PRR16: variants seen among roughly 807,000 people sequenced by gnomAD.
PRR16 encodes proline rich 16.
Under a neutral mutation model 18.2 loss-of-function variants are expected in PRR16, and 6 were observed. The observed-to-expected ratio is 0.33, with a 90% confidence interval of 0.18 to 0.65. The LOEUF (loss-of-function observed/expected upper bound fraction) is 0.65. PRR16 is among the 30% of genes least tolerant of loss of function. The pLI is 0.74. For synonymous variants in PRR16, 151 were observed against 147.8 expected (o/e 1.02, Z -0.16); for missense variants, 412 against 376.6 (o/e 1.09, Z -0.78).
intron 1 of PRR16, among the ~76,000 whole-genome samples, chr5:120,682,883 A>G (rs1329921092): frequency 1.3e-5 from 2 of 152,190 alleles, no homozygotes; most frequent in Non-Finnish European, 2.9e-5. Flanking sequence ...TAACCCTCGG[A>G]GCATTTACTT....
At chr5:120,579,071 A>G (rs1007310418) in intron 1 of PRR16, among the ~76,000 whole-genome samples, 1 of 151,918 alleles carries the variant, frequency 6.6e-6, no homozygotes, top group Admixed American at 6.6e-5. Flanking sequence ...ATCTTTTCAT[A>G]TCCTTTGCCC....
At chr5:120,617,262 C>A in intron 1 of PRR16, 2 of 682,404 alleles carry the variant, frequency 2.9e-6, no homozygotes, top group Non-Finnish European at 3.6e-6. Context: ...AAGAAACATG[C>A]AAACCAATAT....
intron 1 of PRR16, among the ~76,000 whole-genome samples, chr5:120,680,100 G>A (rs2041805733): frequency 2.6e-5 from 4 of 152,046 alleles, no homozygotes; most frequent in Admixed American, 2.6e-4. Flanking sequence ...AACCTCATGT[G>A]TACCTTAAAT....
intron 1 of PRR16, among the ~76,000 whole-genome samples, chr5:120,513,704 T>C (rs566238265): frequency 3.3e-4 from 51 of 152,298 alleles, no homozygotes; most frequent in Middle Eastern, 3.4e-3. Context: ...TATAGTTTTA[T>C]TTAATGTCTC....
At chr5:120,514,244 C>T (rs747905141) in intron 1 of PRR16, among the ~76,000 whole-genome samples, 4 of 152,172 alleles carry the variant, frequency 2.6e-5, no homozygotes, top group African/African-American at 4.8e-5. Context: ...AAACCTTGCT[C>T]TCAAGGTGGT....
intron 1 of PRR16, among the ~76,000 whole-genome samples, chr5:120,654,034 A>G (rs1210621012): frequency 6.6e-6 from 1 of 152,030 alleles, no homozygotes; most frequent in Non-Finnish European, 1.5e-5. Context: ...AAAAACCTAC[A>G]TTTCTCAAAC....
chr5:120,536,880 G>A (rs116822522), intron 1 of PRR16, among the ~76,000 whole-genome samples: 9 of 152,288 alleles, frequency 5.9e-5, no homozygotes, highest in East Asian at 3.9e-4. Flanking sequence ...GAACAAGATC[G>A]TGTCTTTTGT....
chr5:120,652,365 A>G (rs1381853404), intron 1 of PRR16, among the ~76,000 whole-genome samples: 1 of 152,068 alleles, frequency 6.6e-6, no homozygotes, highest in Non-Finnish European at 1.5e-5. Context: ...TGTTACTTTT[A>G]GTATGTATTA....
the PRR16 span, among the ~76,000 whole-genome samples, chr5:120,768,888 T>A: frequency 6.6e-6 from 1 of 151,826 alleles, no homozygotes; most frequent in Non-Finnish European, 1.5e-5. Flanking sequence ...GCTGTGAAGC[T>A]AATTAAAAAA....
intron 1 of PRR16, among the ~76,000 whole-genome samples, chr5:120,668,822 CA>C (rs1361477808): frequency 1.3e-5 from 2 of 152,294 alleles, no homozygotes; most frequent in East Asian, 3.9e-4. Flanking sequence ...GCCGAGAGAT[CA>C]GCTGTTAGTC....
intron 1 of PRR16, among the ~76,000 whole-genome samples, chr5:120,568,888 A>G (rs1752817603): frequency 6.6e-6 from 1 of 152,096 alleles, no homozygotes; most frequent in Non-Finnish European, 1.5e-5. Context: ...TATTTTTGGA[A>G]TGCTGTCATC....
the PRR16 span, among the ~76,000 whole-genome samples, chr5:120,713,004 T>G: frequency 3.9e-5 from 6 of 152,288 alleles, no homozygotes; most frequent in East Asian, 1.2e-3. Flanking sequence ...CTTGAAGAGA[T>G]ATCTGCACTC....
chr5:120,487,429 C>T (rs1202620588), intron 1 of PRR16, among the ~76,000 whole-genome samples: 1 of 152,142 alleles, frequency 6.6e-6, no homozygotes, highest in Admixed American at 6.5e-5. Context: ...GGCGTTCACT[C>T]ATGGTTTGGC....
At chr5:120,775,060 T>C in the PRR16 span, among the ~76,000 whole-genome samples, 139 of 152,312 alleles carry the variant, frequency 9.1e-4, 3 homozygotes, top group South Asian at 0.026. Context: ...TGACACTTAC[T>C]AAAATAAAGT....
the PRR16 span, among the ~76,000 whole-genome samples, chr5:120,719,021 TC>T: frequency 6.6e-6 from 1 of 152,036 alleles, no homozygotes; most frequent in African/African-American, 2.4e-5. Context: ...AGATATTATT[TC>T]TACCTGATTA....
chr5:120,783,428 A>G, the PRR16 span, among the ~76,000 whole-genome samples: 73 of 152,168 alleles, frequency 4.8e-4, no homozygotes, highest in African/African-American at 1.7e-3. Flanking sequence ...ATGGGCAGAA[A>G]GTAGAACGTA....
intron 1 of PRR16, among the ~76,000 whole-genome samples, chr5:120,504,029 T>G (rs1464278990): frequency 6.6e-6 from 1 of 151,756 alleles, no homozygotes; most frequent in African/African-American, 2.4e-5. Context: ...TTTCTTTTCT[T>G]TTCTTTTATT....
chr5:120,541,085 C>T (rs775573178), intron 1 of PRR16, among the ~76,000 whole-genome samples: 3 of 152,102 alleles, frequency 2.0e-5, no homozygotes, highest in Non-Finnish European at 2.9e-5. Flanking sequence ...TGAGGCAGGA[C>T]AGAGGTAATA....
At chr5:120,790,681 C>T in the PRR16 span, 2 of 152,126 alleles carry the variant, frequency 1.3e-5, no homozygotes, top group African/African-American at 4.8e-5. Flanking sequence ...GATTACTTCT[C>T]AGTGAACTTC....
Sources: allele counts gnomAD v4.1 joint callset (sites outside exome capture counted in the v4.1 genomes callset), GRCh38; gene constraint gnomAD v4.1.1; transcripts MANE v1.5; gene names NCBI Gene and HGNC (gene_info 2026-07-23, HGNC 2026-07-21).